PPP6R3: variants seen among roughly 807,000 people sequenced by gnomAD.
PPP6R3 encodes the protein protein phosphatase 6 regulatory subunit 3.
PPP6R3 carries 38 observed loss-of-function variants against 110.7 expected under a neutral mutation model. The observed-to-expected ratio is 0.34, with a 90% CI of 0.26 to 0.45. The LOEUF is 0.45. Ranked by LOEUF, PPP6R3 falls within the 20% of genes least tolerant of loss-of-function variation. The probability of loss-of-function intolerance (pLI) is 1.00; values close to 1 mark genes in which losing one functional copy is unlikely to be tolerated. For missense variants in PPP6R3, 870 were observed against 1,062.4 expected (o/e 0.82, Z 2.52); for synonymous variants, 369 against 373.5 (o/e 0.99, Z 0.14).
In PPP6R3 at chr11:68,601,881, G is replaced by A. The variant is rs1044465500; in HGVS notation, c.2211G>A (p.Arg737=). Residue 737 remains arginine (R), a synonymous_variant, in exon 21 of 24, where the codon AGG becomes AGA. Transcript: ENST00000393800. ...TTGAAAGCACAAAAGATTCTTTAAG[G>A]AGTAATTCTCCAGTGGAAATGGAAA... ...TSSLSTKDSL[R]SNSPVEMETS... The A allele has an allele frequency of 6.2e-7, 1 of 1,613,342 alleles. No homozygotes were observed. The highest frequency in any genetic ancestry group is 8.5e-7 in the Non-Finnish European group (1 of 1,179,550).
chr11:68,484,313 T>G (rs1011058577), intron 1 of PPP6R3, among the ~76,000 whole-genome samples: 8 of 152,170 alleles, frequency 5.3e-5, no homozygotes, highest in African/African-American at 1.9e-4. Flanking sequence ...CTGTACCATT[T>G]TATATTCGCA....
chr11:68,512,321 C>T (rs1276706173), intron 1 of PPP6R3, among the ~76,000 whole-genome samples: 1 of 152,168 alleles, frequency 6.6e-6, no homozygotes, highest in Non-Finnish European at 1.5e-5. Flanking sequence ...GAGACACCAT[C>T]TCTTCTCACA....
At chr11:68,486,321 G>A (rs533843203) in intron 1 of PPP6R3, among the ~76,000 whole-genome samples, 8 of 151,758 alleles carry the variant, frequency 5.3e-5, no homozygotes, top group South Asian at 2.1e-4. Flanking sequence ...TTCTGTCTGC[G>A]ACTGCCGGGT....
In PPP6R3 at chr11:68,602,528, T is replaced by C. The variant is rs577654557; in HGVS notation, c.2299+559T>C. On this transcript the variant is annotated intron_variant, in intron 21 of 23. Coordinates refer to ENST00000393800, the MANE Select transcript of PPP6R3 (RefSeq NM_001164161.2). ...AGGAGGGGGATGCTAGCAAAGGGAG[T>C]GTGATGGGAACCAAAAGGATGTGGA... Among the ~76,000 whole-genome samples the C allele has an allele frequency of 2.0e-5, 3 of 151,412 alleles. No homozygotes were observed. The East Asian group carries it at 5.8e-4, about 30-fold the overall frequency.
chr11:68,480,118 G>C (rs951108413), intron 1 of PPP6R3, among the ~76,000 whole-genome samples: 16 of 151,796 alleles, frequency 1.1e-4, no homozygotes, highest in African/African-American at 3.6e-4. Context: ...TCTCTTTCTA[G>C]TACTCTGTTT....
chr11:68,488,231 CT>C (rs1055776599), intron 1 of PPP6R3, among the ~76,000 whole-genome samples: 4 of 149,882 alleles, frequency 2.7e-5, no homozygotes, highest in Non-Finnish European at 5.9e-5. Context: ...CCATCCCTTT[CT>C]TTTTTTTTTA....
At chr11:68,483,018 T>C (rs2098925372) in intron 1 of PPP6R3, among the ~76,000 whole-genome samples, 1 of 152,202 alleles carries the variant, frequency 6.6e-6, no homozygotes, top group South Asian at 2.1e-4. Context: ...TTGTTGTTAT[T>C]ATCACAAACA....
chr11:68,596,623 T>C (rs1401073744), intron 19 of PPP6R3, among the ~76,000 whole-genome samples: 1 of 152,256 alleles, frequency 6.6e-6, no homozygotes, highest in Non-Finnish European at 1.5e-5. Flanking sequence ...CAGCCTTAGC[T>C]TAACAAGCAT....
chr11:68,513,385 C>CA (rs1457428747), intron 1 of PPP6R3, among the ~76,000 whole-genome samples: 1 of 151,964 alleles, frequency 6.6e-6, no homozygotes, highest in African/African-American at 2.4e-5. Context: ...TGTTCCCTTG[C>CA]AAAAAGGCTG....
chr11:68,507,940 T>C (rs2099087269), intron 1 of PPP6R3, among the ~76,000 whole-genome samples: 1 of 151,990 alleles, frequency 6.6e-6, no homozygotes, highest in South Asian at 2.1e-4. Flanking sequence ...GTGAGGTGGC[T>C]AACACCTGTA....
chr11:68,588,149 G>A (rs1425870109), intron 16 of PPP6R3, 125 bp downstream of exon 16: 4 of 831,010 alleles, frequency 4.8e-6, no homozygotes, highest in Admixed American at 3.8e-5. Context: ...CTCTTTCCAC[G>A]GTGTTCCTCT....
intron 1 of PPP6R3, among the ~76,000 whole-genome samples, chr11:68,475,106 T>C (rs1044413666): frequency 4.0e-5 from 6 of 151,734 alleles, no homozygotes; most frequent in African/African-American, 1.5e-4. Context: ...GATTAGGGAG[T>C]GGTGATGACT....
At chr11:68,598,352 G>T (rs188777713) in intron 19 of PPP6R3, among the ~76,000 whole-genome samples, 1 of 152,316 alleles carries the variant, frequency 6.6e-6, no homozygotes, top group East Asian at 1.9e-4. Flanking sequence ...AACACACTTG[G>T]CTGGACTGCG....
At chr11:68,529,283 A>G (rs1592609920) in intron 2 of PPP6R3, among the ~76,000 whole-genome samples, 1 of 152,106 alleles carries the variant, frequency 6.6e-6, no homozygotes, top group African/African-American at 2.4e-5. Context: ...CAGTGGCACA[A>G]TCTCGGCTCA....
chr11:68,595,077 T>G (rs1254886443), intron 18 of PPP6R3, among the ~76,000 whole-genome samples: 4 of 152,132 alleles, frequency 2.6e-5, no homozygotes, highest in African/African-American at 4.8e-5. Flanking sequence ...AAAATGGATC[T>G]TAGACCCAAA....
At chr11:68,499,291 T>C (rs2099035705) in intron 1 of PPP6R3, among the ~76,000 whole-genome samples, 1 of 152,184 alleles carries the variant, frequency 6.6e-6, no homozygotes, top group African/African-American at 2.4e-5. Flanking sequence ...GAAGCCTTCA[T>C]GGATCCGCTG....
rs184650687 is a variant in PPP6R3, at chr11:68,603,377, G to A, written c.2335G>A (p.Gly779Arg). The A allele has an allele frequency of 1.3e-5, 21 of 1,614,008 alleles. No individual in the cohort carries two copies. The highest frequency in any genetic ancestry group is 4.5e-5 in the East Asian group (2 of 44,872). Residue 779 changes from glycine to arginine, a missense_variant, in exon 22 of 24, where the codon GGA becomes AGA. Transcript: ENST00000393800. ...GSVAMEASSDGEEDAESTDKV... is the reference protein window; with the variant it reads ...GSVAMEASSDREEDAESTDKV... ...TGTGGCCATGGAAGCCAGCTCTGAC[G>A]GAGAGGAGGATGCAGAAAGTACAGA...
At chr11:68,556,331 ATGTT>A (rs2099399384) in intron 7 of PPP6R3, among the ~76,000 whole-genome samples, 2 of 152,212 alleles carry the variant, frequency 1.3e-5, no homozygotes, top group South Asian at 2.1e-4. Flanking sequence ...TAAATAAAGA[ATGTT>A]TGGCTTGGGA....
chr11:68,464,207 A>G (rs2098729268), intron 1 of PPP6R3, among the ~76,000 whole-genome samples: 1 of 152,142 alleles, frequency 6.6e-6, no homozygotes. Flanking sequence ...ATCTCGGCTC[A>G]CTGCAACCTC....
Sources: allele counts gnomAD v4.1 joint callset (sites outside exome capture counted in the v4.1 genomes callset), GRCh38; gene constraint gnomAD v4.1.1; transcripts MANE v1.5; gene names NCBI Gene and HGNC (gene_info 2026-07-23, HGNC 2026-07-21).